ATXN2L: variants seen among roughly 807,000 people sequenced by gnomAD.
The protein encoded by ATXN2L is ataxin-2-like protein.
In ATXN2L, 24 loss-of-function variants were observed where a neutral mutation model predicts 120.7. The ratio of observed to expected loss-of-function variants is 0.20; its 90% CI spans 0.14 to 0.28. The LOEUF is 0.28. ATXN2L is among the 10% of genes least tolerant of loss of function. The pLI is 1.00. For missense variants in ATXN2L, 1,312 were observed against 1,432.3 expected, an observed-to-expected ratio of 0.92 and a Z score of 1.36; for synonymous variants, 653 against 568.1, an observed-to-expected ratio of 1.15 and a Z score of -2.13.
rs753431436 is a variant in ATXN2L, at chr16:28,834,332, C to T, written c.2173-11C>T. ...CGAGTCATTCAGCCTCATCTGTGTC[C>T]TCATCCCCAGGCACCTCAGATGTAT... On this transcript the variant is annotated splice_polypyrimidine_tract_variant and intron_variant, in intron 16 of 21. Coordinates refer to ENST00000336783, the MANE Select transcript of ATXN2L (RefSeq NM_007245.4). 1.1e-5 allele frequency: 18 copies of T among 1,613,582 alleles called. No individual in the cohort carries two copies. The African/African-American group carries it at 2.1e-4, about 19-fold the overall frequency.
chr16:28,827,947 G>C (rs1057385072), intron 6 of ATXN2L, among the ~76,000 whole-genome samples: 1 of 152,124 alleles, frequency 6.6e-6, no homozygotes, highest in East Asian at 1.9e-4. Flanking sequence ...ATATATTATT[G>C]TTTTGTTATG....
Position 28,823,233 on chromosome 16 carries a change from C to G in ATXN2L, c.-27C>G, listed in dbSNP as rs762800477. The G allele has an allele frequency of 1.7e-5, 24 of 1,412,948 alleles. No homozygotes were observed. The highest frequency in any genetic ancestry group is 1.6e-4 in the Admixed American group (6 of 37,884). The allele number at this position is 1,412,948 out of a possible 1,614,324, so 87.5% of individuals were successfully genotyped here. ...GGCCCCCTCTCTCCCTCCCTTCTCT[C>G]TAATTCCCCTTCCGGACGCTGCCAT... On this transcript the variant is annotated 5_prime_UTR_variant, in exon 1 of 22. Transcript: ENST00000336783.
rs1961148726 is a variant in ATXN2L at position 28,836,865 on chromosome 16, G to GCCCCCCAT, written c.*607_*614dup. The GCCCCCCAT allele has an allele frequency of 5.0e-6, 7 of 1,405,968 alleles. No individual in the cohort carries two copies. The highest frequency in any genetic ancestry group is 3.6e-5 in the Admixed American group (2 of 55,554). The allele number at this position is 1,405,968 out of a possible 1,614,324, so 87.1% of individuals were successfully genotyped here. A position where few individuals can be genotyped will look rare whatever the true frequency, so the allele number is the denominator to read the frequency against. ...CCCCCAGCAGCTCGGACCACTCCCA[G>GCCCCCCAT]CCCCCCATCCCCCCGTTCCCCAGGG... On this transcript the variant is annotated 3_prime_UTR_variant, in exon 22 of 22. Coordinates refer to ENST00000336783, the MANE Select transcript of ATXN2L (RefSeq NM_007245.4).
rs1408910390 is a variant in ATXN2L at position 28,832,242 on chromosome 16, T to C, written c.1359T>C (p.Ala453=). 1 of 1,614,070 alleles carries C rather than the reference T, an allele frequency of 6.2e-7. No individual in the cohort carries two copies. Among genetic ancestry groups the C allele is most frequent in the Non-Finnish European group, 8.5e-7 (1 of 1,180,046 alleles). The part of the protein sequence containing the change: ...RMYPPRSPKS[A]APAPISASCP... ...ATCCCCCGCGTTCTCCCAAGTCTGC[T>C]GCCCCTGCCCCAATCTCAGCTTCCT... The change falls in exon 11 of 22, where the codon GCT becomes GCC. Residue 453 remains alanine, a synonymous_variant. Transcript: ENST00000336783.
In ATXN2L at chr16:28,831,030, A is replaced by G; in HGVS notation, c.1279A>G (p.Asn427Asp). Residue 427 changes from asparagine (N) to aspartate (D), a missense_variant, in exon 10 of 22, where the codon AAT becomes GAT. Physicochemically the swap from Asn to Asp is conservative, Grantham distance 23. Coordinates refer to ENST00000336783, the MANE Select transcript of ATXN2L (RefSeq NM_007245.4). ...TGCCAAGACTCTGTCTTCGCCCAGT[A>G]ATAGGCCTTCTGGAGAAACTTCTGT... ...RGAKTLSSPS[N>D]RPSGETSVPP... 6.2e-7 allele frequency: 1 copy of G among 1,611,764 alleles called. No homozygotes were observed. The highest frequency in any genetic ancestry group is 8.5e-7 in the Non-Finnish European group (1 of 1,179,536).
chr16:28,834,279 A>C, intron 16 of ATXN2L, 64 bp from the exon 17 acceptor site: 1 of 1,610,200 alleles, frequency 6.2e-7, no homozygotes, highest in Non-Finnish European at 8.5e-7. Context: ...TTGAGGGACC[A>C]GGTCAGGCCT....
rs1478956834 is a variant in ATXN2L, at chr16:28,836,372, T to A, written c.*107T>A. On this transcript the variant is annotated 3_prime_UTR_variant, in exon 22 of 22. Coordinates refer to ENST00000336783, the MANE Select transcript of ATXN2L (RefSeq NM_007245.4). Reference sequence around the variant, plus strand: ...ACAGTCGCCGCCGCCAGGGGCTTGCTCCTGGCTCTGTCCTTTGCTTCCCTC... The same window carrying A: ...ACAGTCGCCGCCGCCAGGGGCTTGCACCTGGCTCTGTCCTTTGCTTCCCTC... 1.9e-6 allele frequency: 3 copies of A among 1,613,566 alleles called. No homozygotes were observed. The highest frequency in any genetic ancestry group is 2.5e-6 in the Non-Finnish European group (3 of 1,179,918).
intron 1 of ATXN2L, chr16:28,823,800 G>T: frequency 2.5e-6 from 1 of 404,736 alleles, no homozygotes. Flanking sequence ...CGCAGCCCCG[G>T]CCTTCAGGGG....
At chr16:28,833,032 T>G (rs2055110398) in intron 13 of ATXN2L, 27 bp from the exon 14 acceptor site, 1 of 1,610,080 alleles carries the variant, frequency 6.2e-7, no homozygotes, top group African/African-American at 1.3e-5. Context: ...TGGGTCAGAC[T>G]GGACTGTGTG....
Position 28,834,099 on chromosome 16 carries a change from C to T in ATXN2L, c.2060C>T (p.Pro687Leu), listed in dbSNP as rs1292898482. Residue 687 changes from proline to leucine, a missense_variant, in exon 16 of 22, where the codon CCC (proline) becomes CTC (leucine). Pro to Leu is a moderately conservative substitution (Grantham distance 98). Coordinates refer to ENST00000336783, the MANE Select transcript of ATXN2L (RefSeq NM_007245.4). ...KSTSTPTSPG[P>L]RTHSTPSIPV... ...ACCAGTACCCCAACTTCTCCGGGGC[C>T]CCGGACTCATTCAACTCCCTCCATC... 1.9e-6 allele frequency: 3 copies of T among 1,614,148 alleles called. No homozygotes were observed. In the African/African-American group the frequency reaches 4.0e-5, roughly 22 times the overall value.
At chr16:28,824,343 C>T (rs2050892466) in intron 1 of ATXN2L, 1 of 1,210,630 alleles carries the variant, frequency 8.3e-7, no homozygotes, top group Admixed American at 2.9e-5. Flanking sequence ...GCGCAGTGGG[C>T]TCTGATCGCT....
Position 28,833,279 on chromosome 16 carries a change from C to A in ATXN2L, c.1880C>A (p.Pro627His). Residue 627 changes from proline to histidine, a missense_variant, in exon 14 of 22, where the codon CCT (proline) becomes CAT (histidine). Transcript: ENST00000336783. ...GAGGGGCCAGAGCAGCCCCCACCAC[C>A]TTGTCCAAGCCAAACTGGCAGCCCC... ...GTEGPEQPPP[P>H]CPSQTGSPPV... The A allele has an allele frequency of 6.2e-7, 1 of 1,614,220 alleles. No homozygotes were observed. The highest frequency in any genetic ancestry group is 8.5e-7 in the Non-Finnish European group (1 of 1,180,038).
At position 28,836,712 on chromosome 16, in the gene ATXN2L, T is replaced by C. The variant is rs1341930971; in HGVS notation, c.*447T>C. On this transcript the variant is annotated 3_prime_UTR_variant, in exon 22 of 22. Coordinates refer to ENST00000336783, the MANE Select transcript of ATXN2L (RefSeq NM_007245.4). The stretch of plus-strand genomic sequence containing the variant: ...GTTCTAATGCTCCTGCTCTCTTCTC[T>C]TTCCCCTCCAACCAGTTCAATCTCA... 1.2e-6 allele frequency: 2 copies of C among 1,613,568 alleles called. No homozygotes were observed. Among genetic ancestry groups the C allele is most frequent in the Non-Finnish European group, 1.7e-6 (2 of 1,179,930 alleles).
chr16:28,834,405 G>A lies in ATXN2L; in HGVS notation c.2235G>A (p.Arg745=), dbSNP rs987481686. ...TGCCTGGGCAGCAGGGCAAGTACCG[G>A]GGAGCAAAAGGTGAGCAGGGCTGGG... ...NSVPGQQGKY[R]GAKGSLPPQR... is the part of the protein sequence containing the mutation. The change falls in exon 17 of 22, where the codon CGG becomes CGA. Residue 745 remains arginine, a synonymous_variant. Transcript: ENST00000336783. 19 of 1,614,094 alleles carry A rather than the reference G, an allele frequency of 1.2e-5. No homozygotes were observed. The highest frequency in any genetic ancestry group is 3.3e-5 in the Admixed American group (2 of 60,020).
chr16:28,829,793 T>A, intron 7 of ATXN2L, 65 bp from the exon 8 acceptor site: 1 of 1,540,188 alleles, frequency 6.5e-7, no homozygotes, highest in South Asian at 1.1e-5. Context: ...GTTGAAATGT[T>A]TTTCCTTTTT....
chr16:28,823,999 C>A, intron 1 of ATXN2L: 1 of 672,868 alleles, frequency 1.5e-6, no homozygotes, highest in Non-Finnish European at 1.8e-6. Context: ...ACAGTTTGGC[C>A]AATGGGGAGG....
At chr16:28,835,027 G>A (rs1490712351) in intron 18 of ATXN2L, 31 bp from the exon 19 acceptor site, 13 of 1,595,680 alleles carry the variant, frequency 8.1e-6, no homozygotes, top group Non-Finnish European at 9.4e-6. Context: ...GCTGGCGGCT[G>A]TGCCAACCAC....
rs544319370 is a variant in ATXN2L, at chr16:28,823,698, C to T, written c.299+140C>T. ...CCCCGTGAAGCTGGGGGAGGGCCCC[C>T]TCAGGTCCGAACAGGTCGGACGGAA... On this transcript the variant is annotated intron_variant, in intron 1 of 21. Transcript: ENST00000336783. 3,259 of 926,740 alleles carry T rather than the reference C, an allele frequency of 3.5e-3. 11 individuals carry two copies. The highest frequency in any genetic ancestry group is 0.011 in the South Asian group (263 of 24,696). The allele number at this position is 926,740 out of a possible 1,614,324, so 57.4% of individuals were successfully genotyped here. A position where few individuals can be genotyped will look rare whatever the true frequency, so the allele number is the denominator to read the frequency against.
chr16:28,825,057 T>C (rs1237093255), intron 1 of ATXN2L, among the ~76,000 whole-genome samples: 1 of 137,710 alleles, frequency 7.3e-6, no homozygotes, highest in South Asian at 2.4e-4. Context: ...TACTAAAAAT[T>C]AAAAAAAAAA....
Sources: gnomAD v4.1 joint callset for allele counts (sites outside exome capture counted in the v4.1 genomes callset) on GRCh38, gnomAD v4.1.1 for gene constraint, MANE v1.5 for transcripts, NCBI Gene and HGNC (gene_info 2026-07-23, HGNC 2026-07-21) for gene names.